Variants in INSC observed in about 807,000 individuals in gnomAD.
The protein encoded by INSC is INSC spindle orientation adaptor protein.
INSC carries 67 observed loss-of-function variants against 58.6 expected under a neutral mutation model. The ratio of observed to expected loss-of-function variants is 1.14; its 90% CI spans 0.94 to 1.40. INSC has a LOEUF of 1.40. INSC is among the 40% of genes most tolerant of loss of function. The pLI is 0.00. For synonymous variants in INSC, 262 were observed against 276.1 expected (o/e 0.95, Z 0.51); for missense variants, 714 against 692.0 (o/e 1.03, Z -0.36).
chr11:15,189,803 A>G lies in INSC; in HGVS notation c.580-898A>G, dbSNP rs184989333. 7.2e-5 allele frequency among the ~76,000 whole-genome samples: 11 copies of G among 152,352 alleles called. No homozygotes were observed. In the East Asian group the frequency reaches 1.7e-3, roughly 24 times the overall value. ...TTCTTTCTAGAAGAAAACTTGAGCT[A>G]CTGGCATTAATTAGCAGGAAGGAAT... On this transcript the variant is annotated intron_variant, in intron 5 of 12. Transcript: ENST00000379556.
At chr11:15,165,972 A>G (rs1057453548) in intron 2 of INSC, among the ~76,000 whole-genome samples, 1 of 152,110 alleles carries the variant, frequency 6.6e-6, no homozygotes, top group African/African-American at 2.4e-5. Flanking sequence ...AAGTTGGGCT[A>G]TCTTTCTTAT....
At chr11:15,262,631 T>A in the INSC span, among the ~76,000 whole-genome samples, 6 of 147,462 alleles carry the variant, frequency 4.1e-5, no homozygotes, top group Admixed American at 6.9e-5. Context: ...GTTTTCAGAC[T>A]TAATTTACAT....
chr11:15,179,435 C>T (rs564409111), intron 5 of INSC, among the ~76,000 whole-genome samples: 7 of 152,330 alleles, frequency 4.6e-5, no homozygotes, highest in South Asian at 2.1e-4. Flanking sequence ...CTTTCCATGT[C>T]GGCTCCTCTC....
At chr11:15,115,569 A>C (rs538273222) in intron 1 of INSC, among the ~76,000 whole-genome samples, 18 of 152,302 alleles carry the variant, frequency 1.2e-4, no homozygotes, top group Admixed American at 9.2e-4. Flanking sequence ...ACTGGAGTGA[A>C]TGTGGCTCTG....
At chr11:15,257,444 G>T in the INSC span, among the ~76,000 whole-genome samples, 144 of 152,204 alleles carry the variant, frequency 9.5e-4, 1 homozygote, top group African/African-American at 3.3e-3. Context: ...ATATATAAAA[G>T]ATACTAAATT....
At chr11:15,142,672 AAC>A (rs1300844658) in intron 1 of INSC, among the ~76,000 whole-genome samples, 1 of 152,140 alleles carries the variant, frequency 6.6e-6, no homozygotes, top group Non-Finnish European at 1.5e-5. Context: ...GAACTTGATG[AAC>A]ACAGAGCTGG....
chr11:15,160,197 G>T (rs1329154490), intron 2 of INSC, among the ~76,000 whole-genome samples: 4 of 152,152 alleles, frequency 2.6e-5, no homozygotes, highest in Non-Finnish European at 4.4e-5. Context: ...GGGCACATGG[G>T]ACATAAATTT....
chr11:15,162,271 T>G (rs1323664214), intron 2 of INSC, among the ~76,000 whole-genome samples: 1 of 152,182 alleles, frequency 6.6e-6, no homozygotes, highest in Non-Finnish European at 1.5e-5. Context: ...TTTCTGTTGT[T>G]CTTTCTACTC....
At chr11:15,191,859 G>A (rs541742940) in intron 6 of INSC, among the ~76,000 whole-genome samples, 3 of 152,274 alleles carry the variant, frequency 2.0e-5, no homozygotes, top group African/African-American at 7.2e-5. Flanking sequence ...AAAGCAGGAG[G>A]AGAATCTGGG....
At chr11:15,267,368 C>T in the INSC span, among the ~76,000 whole-genome samples, 1 of 151,972 alleles carries the variant, frequency 6.6e-6, no homozygotes, top group Non-Finnish European at 1.5e-5. Context: ...ACTCCAATTA[C>T]ATGCCTATTG....
chr11:15,178,179 G>C (rs1849637215), intron 4 of INSC, 145 bp from the exon 5 acceptor site: 8 of 1,089,082 alleles, frequency 7.3e-6, no homozygotes, highest in East Asian at 4.8e-5. Context: ...CAAGCCAGCT[G>C]TGGAATATTC....
downstream of INSC, among the ~76,000 whole-genome samples, chr11:15,247,733 G>GTATATATATATATATAT (rs1852605183): frequency 7.8e-6 from 1 of 127,458 alleles, no homozygotes; most frequent in African/African-American, 2.9e-5. Context: ...TAGAAATAAG[G>GTATATATATATATATAT]TATATATATA....
intron 9 of INSC, among the ~76,000 whole-genome samples, chr11:15,227,686 G>C (rs183327228): frequency 6.6e-6 from 1 of 152,188 alleles, no homozygotes. Context: ...ACTCCTGAGG[G>C]GGACATGCCC....
intron 5 of INSC, among the ~76,000 whole-genome samples, chr11:15,187,509 T>G (rs1250793104): frequency 6.6e-6 from 1 of 152,228 alleles, no homozygotes; most frequent in African/African-American, 2.4e-5. Flanking sequence ...TCCTGGCTCC[T>G]TCTGAGGAAC....
intron 1 of INSC, among the ~76,000 whole-genome samples, chr11:15,124,028 C>CACTT (rs1847932739): frequency 6.6e-6 from 1 of 152,314 alleles, no homozygotes; most frequent in East Asian, 1.9e-4. Flanking sequence ...CCCTCTGACT[C>CACTT]ACTTACTCTT....
chr11:15,146,878 T>C (rs1049715971), intron 1 of INSC, among the ~76,000 whole-genome samples: 1 of 152,208 alleles, frequency 6.6e-6, no homozygotes, highest in Non-Finnish European at 1.5e-5. Context: ...CCCTCAGAGA[T>C]GACTTGAATC....
intron 2 of INSC, among the ~76,000 whole-genome samples, chr11:15,155,568 T>C (rs1192619800): frequency 6.6e-6 from 1 of 152,208 alleles, no homozygotes; most frequent in African/African-American, 2.4e-5. Context: ...CTCTCCTCCG[T>C]AATCCTAGCA....
At chr11:15,176,211 A>AGGAG (rs1275202754) in intron 3 of INSC, 125 bp downstream of exon 3, 3 of 760,002 alleles carry the variant, frequency 3.9e-6, no homozygotes, top group Non-Finnish European at 6.2e-6. Context: ...CTTCCAGTAA[A>AGGAG]GGAGGAAAGA....
At chr11:15,149,974 G>A (rs1222052338) in intron 2 of INSC, among the ~76,000 whole-genome samples, 2 of 152,218 alleles carry the variant, frequency 1.3e-5, no homozygotes, top group East Asian at 3.8e-4. Context: ...AATCAATTGG[G>A]AGGAAGACTC....
Sources: allele counts gnomAD v4.1 joint callset (sites outside exome capture counted in the v4.1 genomes callset), GRCh38; gene constraint gnomAD v4.1.1; transcripts MANE v1.5; gene names NCBI Gene and HGNC (gene_info 2026-07-23, HGNC 2026-07-21).